The following SLC2A14 variants were observed in gnomAD, a reference collection of about 807,000 sequenced individuals.
SLC2A14 encodes solute carrier family 2 member 14.
In SLC2A14, 13 loss-of-function variants were observed where a neutral mutation model predicts 43.0. That is an observed-to-expected ratio of 0.30 (90% confidence interval 0.20 to 0.48). The LOEUF (loss-of-function observed/expected upper bound fraction) is 0.48, where lower values mean the gene tolerates loss of function less well. SLC2A14 is among the 20% of genes least tolerant of loss of function. SLC2A14 has a pLI of 0.99. For synonymous variants in SLC2A14, 190 were observed against 233.8 expected (o/e 0.81, Z 1.71); for missense variants, 428 against 620.4 (o/e 0.69, Z 3.29).
At chr12:7,843,228 G>A (rs1337882026) in intron 2 of SLC2A14, among the ~76,000 whole-genome samples, 43 of 150,614 alleles carry the variant, frequency 2.9e-4, no homozygotes, top group Admixed American at 2.8e-3. Context: ...GAAGGCTGAC[G>A]GTGAATGAAG....
At chr12:7,868,637 T>C (rs1945050824) in intron 2 of SLC2A14, among the ~76,000 whole-genome samples, 1 of 152,116 alleles carries the variant, frequency 6.6e-6, no homozygotes, top group Non-Finnish European at 1.5e-5. Flanking sequence ...CATGAAGAAC[T>C]ACTACATCTT....
At position 7,818,239 on chromosome 12, in the gene SLC2A14, A is replaced by G. The variant is rs1031953806; in HGVS notation, c.1072-205T>C. ...TACTCTGTTGCCCAGGCTAGAGTGC[A>G]GTGGTGCTATAACAGCTCACTGCAT... On this transcript the variant is annotated intron_variant, in intron 9 of 10. Coordinates refer to ENST00000431042, the MANE Select transcript of SLC2A14 (RefSeq NM_001286234.2). 6.6e-5 allele frequency among the ~76,000 whole-genome samples: 10 copies of G among 152,266 alleles called. No individual in the cohort carries two copies. In the East Asian group the frequency reaches 1.7e-3, roughly 26 times the overall value.
chr12:7,871,860 A>G (rs1286590215), intron 1 of SLC2A14: 1 of 980,076 alleles, frequency 1.0e-6, no homozygotes, highest in African/African-American at 1.8e-5. Context: ...TTGAGACACC[A>G]GCGCACACCC....
chr12:7,828,300 G>A (rs1296077652), intron 6 of SLC2A14, among the ~76,000 whole-genome samples: 1 of 151,920 alleles, frequency 6.6e-6, no homozygotes, highest in Non-Finnish European at 1.5e-5. Context: ...GGGAGGCAGA[G>A]GTTGCAGTGA....
intron 2 of SLC2A14, chr12:7,863,304 G>C (rs778951316): frequency 2.3e-6 from 1 of 443,060 alleles, no homozygotes; most frequent in Non-Finnish European, 4.5e-6. Flanking sequence ...AAAACACTCC[G>C]AACGCATCTG....
upstream of SLC2A14, among the ~76,000 whole-genome samples, chr12:7,877,432 C>CT (rs888227348): frequency 5.4e-4 from 80 of 148,480 alleles, no homozygotes; most frequent in African/African-American, 1.7e-3. Flanking sequence ...AAAATTTTTT[C>CT]TTTTTTTTTT....
rs550002685 is a variant in SLC2A14, at chr12:7,884,252, A to C, written c.132+6744T>G. On this transcript the variant is annotated intron_variant, in intron 1 of 9. Coordinates refer to the SLC2A14 transcript ENST00000539924. ...CCTTTTCAACATCACACTATGTGCT[A>C]TAAGTTTGAACTCTTTCTTTCACAT... Among the ~76,000 whole-genome samples, 3 of 152,126 alleles carry C rather than the reference A, an allele frequency of 2.0e-5. No individual in the cohort carries two copies. In the South Asian group the frequency reaches 6.2e-4, roughly 32 times the overall value.
At chr12:7,854,766 C>T (rs753964033) in intron 2 of SLC2A14, among the ~76,000 whole-genome samples, 2 of 152,156 alleles carry the variant, frequency 1.3e-5, no homozygotes, top group East Asian at 3.9e-4. Context: ...ATCTGCCCAC[C>T]TCGACCTCCC....
intron 2 of SLC2A14, among the ~76,000 whole-genome samples, chr12:7,866,620 C>T (rs759668129): frequency 5.9e-5 from 9 of 152,256 alleles, no homozygotes; most frequent in African/African-American, 2.2e-4. Flanking sequence ...CCCGCCTCAG[C>T]CTCCCAAAGT....
Position 7,871,188 on chromosome 12 carries a change from C to T in SLC2A14, c.-57-1251G>A, listed in dbSNP as rs935238932. 1.0e-4 allele frequency: 131 copies of T among 1,259,134 alleles called. 1 individual carries two copies. Among genetic ancestry groups the T allele is most frequent in the Non-Finnish European group, 1.3e-4 (128 of 976,208 alleles). The allele number at this position is 1,259,134 out of a possible 1,614,324, so 78.0% of individuals were successfully genotyped here. ...TCCAAAACGCCTTCACCTGCTTCAA[C>T]GAGGAATCCTCAGGTTTCATTCATG... is the stretch of plus-strand genomic sequence containing the variant. On this transcript the variant is annotated intron_variant, in intron 1 of 10. Coordinates refer to ENST00000431042, the MANE Select transcript of SLC2A14 (RefSeq NM_001286234.2).
At chr12:7,840,003 T>A (rs1865805226) in intron 2 of SLC2A14, 1 of 352,034 alleles carries the variant, frequency 2.8e-6, no homozygotes, top group Non-Finnish European at 5.5e-6. Flanking sequence ...TCCCAGCTAC[T>A]CGGGTGGCTG....
chr12:7,881,374 G>C lies in SLC2A14; in HGVS notation c.132+9622C>G, dbSNP rs146209830. 1.0e-3 allele frequency among the ~76,000 whole-genome samples: 153 copies of C among 151,758 alleles called. 2 individuals carry two copies. The highest frequency in any genetic ancestry group is 3.4e-3 in the Middle Eastern group (1 of 290). On this transcript the variant is annotated intron_variant, in intron 1 of 9. Coordinates refer to the SLC2A14 transcript ENST00000539924. ...GCTCGGCGGGCCCCGCACTCGGAGCGGCCGGCCGGCCGGCCCTGGTGGCCC... is the reference window on the plus strand; with the variant it reads ...GCTCGGCGGGCCCCGCACTCGGAGCCGCCGGCCGGCCGGCCCTGGTGGCCC...
chr12:7,848,316 G>A (rs16916683), intron 2 of SLC2A14, among the ~76,000 whole-genome samples: 20,457 of 151,562 alleles, frequency 0.13, 1,435 homozygotes, highest in African/African-American at 0.16. Flanking sequence ...CTTAGACACA[G>A]CTCTTATGTC....
At chr12:7,861,353 A>C (rs1944550849) in intron 2 of SLC2A14, among the ~76,000 whole-genome samples, 1 of 152,126 alleles carries the variant, frequency 6.6e-6, no homozygotes, top group Non-Finnish European at 1.5e-5. Flanking sequence ...TTTATGTTTA[A>C]GTAGCTTCCA....
intron 2 of SLC2A14, among the ~76,000 whole-genome samples, chr12:7,863,169 C>T (rs551278822): frequency 1.5e-3 from 224 of 152,154 alleles, no homozygotes; most frequent in Non-Finnish European, 2.7e-3. Context: ...TTGAGCCCAG[C>T]GAGACTACGA....
chr12:7,889,932 TGCC>T (rs1284087706), intron 1 of SLC2A14, among the ~76,000 whole-genome samples: 2 of 145,226 alleles, frequency 1.4e-5, no homozygotes, highest in Non-Finnish European at 3.1e-5. Flanking sequence ...TTCCCCAGGT[TGCC>T]TTGGCATTCC....
chr12:7,870,932 T>C, intron 1 of SLC2A14: 1 of 1,424,564 alleles, frequency 7.0e-7, no homozygotes, highest in Non-Finnish European at 9.4e-7. Flanking sequence ...CTTCGTGATG[T>C]TCGACCAGTT....
chr12:7,872,004 TTATTTATCTGTAAAA>T (rs1945261113), intron 1 of SLC2A14: 2 of 603,572 alleles, frequency 3.3e-6, no homozygotes, highest in Non-Finnish European at 4.2e-6. Flanking sequence ...AAGGTACTAT[TTATTTATCTGTAAAA>T]TTAACTCAGA....
intron 2 of SLC2A14, among the ~76,000 whole-genome samples, chr12:7,853,429 C>CAAAA (rs35414391): frequency 7.1e-5 from 6 of 84,616 alleles, no homozygotes; most frequent in African/African-American, 3.0e-4. Context: ...GACTCCATTT[C>CAAAA]AAAAAAAAAA....
Sources: gnomAD v4.1 joint callset for allele counts (sites outside exome capture counted in the v4.1 genomes callset) on GRCh38, gnomAD v4.1.1 for gene constraint, MANE v1.5 for transcripts, NCBI Gene and HGNC (gene_info 2026-07-23, HGNC 2026-07-21) for gene names.